NHSL1: variants seen among roughly 807,000 people sequenced by gnomAD.
NHSL1 encodes the protein NHS-like protein 1.
A neutral mutation model predicts 95.0 loss-of-function variants in NHSL1; 48 were observed. That is an observed-to-expected ratio of 0.51 (90% CI 0.40 to 0.64). The LOEUF (loss-of-function observed/expected upper bound fraction) is 0.64, where lower values mean the gene tolerates loss of function less well. NHSL1 is among the 30% of genes least tolerant of loss of function. NHSL1 has a pLI of 0.00. For synonymous variants in NHSL1, 783 were observed against 833.9 expected, an observed-to-expected ratio of 0.94 and a Z score of 1.05; for missense variants, 1,971 against 2,077.7, an observed-to-expected ratio of 0.95 and a Z score of 1.00.
upstream of NHSL1, among the ~76,000 whole-genome samples, chr6:138,550,333 GA>G (rs1275340758): frequency 6.6e-6 from 1 of 152,132 alleles, no homozygotes; most frequent in Non-Finnish European, 1.5e-5. Flanking sequence ...TTCAAACTAG[GA>G]AAAAATAAGA....
chr6:138,518,610 CA>C (rs779360785), intron 1 of NHSL1, among the ~76,000 whole-genome samples: 4 of 150,746 alleles, frequency 2.7e-5, no homozygotes, highest in Admixed American at 6.6e-5. Context: ...AAAACAAAAA[CA>C]AAACTAGAAA....
intron 1 of NHSL1, among the ~76,000 whole-genome samples, chr6:138,515,219 T>C (rs1781409750): frequency 2.0e-5 from 3 of 152,232 alleles, no homozygotes; most frequent in Non-Finnish European, 2.9e-5. Flanking sequence ...CATGGGTAAC[T>C]GAAACCACGA....
intron 1 of NHSL1, among the ~76,000 whole-genome samples, chr6:138,641,071 C>T (rs915301283): frequency 1.3e-5 from 2 of 152,216 alleles, no homozygotes; most frequent in East Asian, 1.9e-4. Flanking sequence ...TTCTTGCCCC[C>T]CTTAGTTGAG....
intron 1 of NHSL1, among the ~76,000 whole-genome samples, chr6:138,675,720 G>C (rs1412323009): frequency 6.6e-6 from 1 of 152,020 alleles, no homozygotes; most frequent in East Asian, 1.9e-4. Context: ...TTCTAGTAGG[G>C]ATGGGGTTTC....
chr6:138,573,512 C>T (rs1004755838), upstream of NHSL1, among the ~76,000 whole-genome samples: 1 of 152,142 alleles, frequency 6.6e-6, no homozygotes, highest in Non-Finnish European at 1.5e-5. Flanking sequence ...ACATCTACTC[C>T]AATTCACTGA....
At chr6:138,469,106 C>T (rs1778584280) in intron 3 of NHSL1, among the ~76,000 whole-genome samples, 1 of 152,174 alleles carries the variant, frequency 6.6e-6, no homozygotes, top group Non-Finnish European at 1.5e-5. Flanking sequence ...TTGGATGCAT[C>T]CGTGCATCAC....
chr6:138,548,032 G>T (rs1440285052), upstream of NHSL1, among the ~76,000 whole-genome samples: 1 of 152,160 alleles, frequency 6.6e-6, no homozygotes, highest in Non-Finnish European at 1.5e-5. Context: ...ACTCTGGCTG[G>T]AGTGCAGTGG....
intron 1 of NHSL1, among the ~76,000 whole-genome samples, chr6:138,683,196 A>G (rs529889129): frequency 1.2e-4 from 19 of 152,070 alleles, no homozygotes; most frequent in African/African-American, 4.6e-4. Flanking sequence ...CCCTCCACAC[A>G]CTGCTCTCGG....
intron 1 of NHSL1, among the ~76,000 whole-genome samples, chr6:138,522,082 C>T (rs962746356): frequency 6.6e-6 from 1 of 152,148 alleles, no homozygotes; most frequent in African/African-American, 2.4e-5. Context: ...ACGTGGAAAC[C>T]GTGAACACCC....
intron 1 of NHSL1, among the ~76,000 whole-genome samples, chr6:138,662,983 A>G (rs573107664): frequency 1.6e-4 from 25 of 151,834 alleles, no homozygotes; most frequent in African/African-American, 5.8e-4. Context: ...CAGGAACTCT[A>G]CTTTTAACAA....
chr6:138,612,109 CAAAAAA>C (rs368848438), intron 1 of NHSL1, among the ~76,000 whole-genome samples: 29 of 73,488 alleles, frequency 3.9e-4, no homozygotes, highest in African/African-American at 1.3e-3. Context: ...GACTCCATCT[CAAAAAA>C]AAAAAAAAAA....
intron 5 of NHSL1, among the ~76,000 whole-genome samples, chr6:138,437,230 C>T (rs1303319447): frequency 5.9e-4 from 88 of 148,362 alleles, no homozygotes; most frequent in Non-Finnish European, 7.9e-4. Context: ...GCTGAGATCG[C>T]GCCATTGCAC....
At chr6:138,583,620 C>T (rs552848733) in intron 1 of NHSL1, among the ~76,000 whole-genome samples, 13 of 152,134 alleles carry the variant, frequency 8.5e-5, no homozygotes, top group Admixed American at 3.3e-4. Flanking sequence ...GCCCAGGACC[C>T]GGCATACAGT....
intron 2 of NHSL1, among the ~76,000 whole-genome samples, chr6:138,476,332 C>A (rs1160990218): frequency 2.0e-5 from 3 of 152,184 alleles, no homozygotes; most frequent in African/African-American, 4.8e-5. Flanking sequence ...AGAATTAAAT[C>A]ATATAATTTG....
chr6:138,453,272 C>T (rs1777360030), intron 3 of NHSL1, among the ~76,000 whole-genome samples: 1 of 152,128 alleles, frequency 6.6e-6, no homozygotes, highest in African/African-American at 2.4e-5. Context: ...CCATGCCCAG[C>T]CTAATTGTTC....
At chr6:138,653,446 C>T (rs914879500) in intron 1 of NHSL1, among the ~76,000 whole-genome samples, 6 of 151,960 alleles carry the variant, frequency 3.9e-5, no homozygotes, top group Non-Finnish European at 7.4e-5. Flanking sequence ...CCCAGATATG[C>T]GGGAGGCTGA....
intron 1 of NHSL1, among the ~76,000 whole-genome samples, chr6:138,628,973 G>A (rs899189003): frequency 6.6e-6 from 1 of 152,172 alleles, no homozygotes; most frequent in Non-Finnish European, 1.5e-5. Flanking sequence ...ACAAGACTGA[G>A]AAGAAAACAT....
At chr6:138,553,668 A>G (rs6914360) in intron 1 of NHSL1, among the ~76,000 whole-genome samples, 13,598 of 152,228 alleles carry the variant, frequency 0.089, 589 homozygotes, top group Middle Eastern at 0.14. Context: ...ATGAAAAGTC[A>G]TATTTTCCTT....
intron 1 of NHSL1, chr6:138,650,725 T>A: frequency 1.8e-6 from 1 of 547,076 alleles, no homozygotes; most frequent in Non-Finnish European, 3.7e-6. Context: ...ACGCACTGCA[T>A]CATTATCCCA....
Sources: allele counts gnomAD v4.1 joint callset (sites outside exome capture counted in the v4.1 genomes callset), GRCh38; gene constraint gnomAD v4.1.1; transcripts MANE v1.5; gene names NCBI Gene and HGNC (gene_info 2026-07-23, HGNC 2026-07-21).